The following MME variants were observed in gnomAD, a reference collection of about 807,000 sequenced individuals.
The protein encoded by MME is neprilysin.
In MME, 98 loss-of-function variants were observed where a neutral mutation model predicts 113.2. That is an observed-to-expected ratio of 0.87 (90% CI 0.74 to 1.02). The LOEUF is 1.02. MME is among the 50% of genes least tolerant of loss of function. The pLI, the probability that MME is intolerant of heterozygous loss-of-function variation, is 0.00. For synonymous variants in MME, 292 were observed against 300.6 expected (o/e 0.97, Z 0.30); for missense variants, 836 against 896.0 (o/e 0.93, Z 0.86).
At chr3:155,173,036 T>A (rs1712156379) in intron 22 of MME, among the ~76,000 whole-genome samples, 1 of 152,102 alleles carries the variant, frequency 6.6e-6, no homozygotes, top group Non-Finnish European at 1.5e-5. Context: ...CAATATGGAA[T>A]AACATTATTC....
chr3:155,035,241 T>C (rs1713091922), intron 1 of MME, among the ~76,000 whole-genome samples: 2 of 147,606 alleles, frequency 1.4e-5, no homozygotes, highest in South Asian at 4.2e-4. Flanking sequence ...ATATTAATAA[T>C]ACTATAATGT....
At chr3:155,113,970 A>G (rs1293140873) in intron 3 of MME, among the ~76,000 whole-genome samples, 1 of 152,176 alleles carries the variant, frequency 6.6e-6, no homozygotes, top group African/African-American at 2.4e-5. Context: ...GGGGGGCTTG[A>G]GGCTCAGCTG....
intron 10 of MME, 147 bp downstream of exon 10, chr3:155,140,439 CAG>C (rs1720989978): frequency 6.4e-6 from 3 of 466,080 alleles, no homozygotes; most frequent in Non-Finnish European, 1.1e-5. Flanking sequence ...TTTTTTGAGA[CAG>C]GGTCTCACTC....
chr3:155,064,181 C>T (rs913671274), intron 1 of MME, among the ~76,000 whole-genome samples: 3 of 151,816 alleles, frequency 2.0e-5, no homozygotes, highest in Non-Finnish European at 4.4e-5. Flanking sequence ...CCCAGGTAGT[C>T]GGGAGGCTGA....
At chr3:155,068,335 G>A (rs1714451637) in intron 1 of MME, among the ~76,000 whole-genome samples, 1 of 152,198 alleles carries the variant, frequency 6.6e-6, no homozygotes, top group Non-Finnish European at 1.5e-5. Flanking sequence ...GGTACTTTTA[G>A]AAGGTGACGG....
chr3:155,156,341 G>GT (rs2108342593), intron 16 of MME, among the ~76,000 whole-genome samples: 1 of 152,240 alleles, frequency 6.6e-6, no homozygotes, highest in African/African-American at 2.4e-5. Flanking sequence ...TCATTAAATA[G>GT]TAACCAGTGT....
chr3:155,117,963 T>C (rs572801885), intron 7 of MME, among the ~76,000 whole-genome samples: 1 of 152,220 alleles, frequency 6.6e-6, no homozygotes, highest in Non-Finnish European at 1.5e-5. Context: ...TCCACACTCA[T>C]GTTGCCATGC....
rs200225075 is a variant in MME at position 155,124,490 on chromosome 3, A to G, written c.720+5679A>G. Among the ~76,000 whole-genome samples, 209 of 151,990 alleles carry G rather than the reference A, an allele frequency of 1.4e-3. 2 individuals carry two copies. In the East Asian group the frequency reaches 0.034, roughly 24 times the overall value. On this transcript the variant is annotated intron_variant, in intron 8 of 22. Transcript: ENST00000360490. The stretch of plus-strand genomic sequence containing the variant: ...ACTGCGTTCCTTTGGAGGAGGAGAG[A>G]CGCTCTGCGTTTTAGAGTTTCCAGT...
intron 1 of MME, among the ~76,000 whole-genome samples, chr3:155,073,176 G>A (rs1309995815): frequency 6.6e-6 from 1 of 152,164 alleles, no homozygotes; most frequent in African/African-American, 2.4e-5. Context: ...GGATCTACTA[G>A]CCAGGGATCT....
At chr3:155,147,252 C>A (rs200334638) in intron 15 of MME, 28 bp downstream of exon 15, 3 of 1,348,730 alleles carry the variant, frequency 2.2e-6, no homozygotes, top group Non-Finnish European at 3.2e-6. Flanking sequence ...AGACTCTGGA[C>A]TACTGATACT....
intron 8 of MME, among the ~76,000 whole-genome samples, chr3:155,129,177 C>T (rs1719940697): frequency 6.6e-6 from 1 of 152,156 alleles, no homozygotes; most frequent in Non-Finnish European, 1.5e-5. Flanking sequence ...CCTTGCCCGT[C>T]GCTTTAGCCT....
At chr3:155,057,984 T>A (rs976580185) in intron 1 of MME, among the ~76,000 whole-genome samples, 1 of 152,120 alleles carries the variant, frequency 6.6e-6, no homozygotes, top group African/African-American at 2.4e-5. Flanking sequence ...AAGAGAAAGG[T>A]CTATCATACA....
At chr3:155,148,405 G>A in intron 15 of MME, 145 bp from the exon 16 acceptor site, 1 of 620,536 alleles carries the variant, frequency 1.6e-6, no homozygotes, top group South Asian at 2.0e-5. Flanking sequence ...AGGTTAACTG[G>A]AACTACATCC....
chr3:155,177,326 G>A (rs2108385703), intron 22 of MME, among the ~76,000 whole-genome samples: 1 of 152,314 alleles, frequency 6.6e-6, no homozygotes, highest in Non-Finnish European at 1.5e-5. Context: ...TGCCCAGGAT[G>A]ACAGGATGAC....
Position 155,181,909 on chromosome 3 carries a change from A to C in MME, c.*1450A>C, listed in dbSNP as rs1451031866. On this transcript the variant is annotated 3_prime_UTR_variant, in exon 23 of 23. Coordinates refer to ENST00000360490, the MANE Select transcript of MME (RefSeq NM_007289.4). ...GTTCCCTGTCTCTTGAAAAATGCCC[A>C]TTTGCCTTTAAAAAAAAAAGTTACA... 2 of 152,034 alleles carry C rather than the reference A, an allele frequency of 1.3e-5. No homozygotes were observed. The highest frequency in any genetic ancestry group is 4.8e-5 in the African/African-American group (2 of 41,374). 9.4% of individuals were successfully genotyped at this position (152,034 alleles called of 1,614,324 possible).
intron 1 of MME, among the ~76,000 whole-genome samples, chr3:155,033,740 G>T (rs973300676): frequency 4.6e-5 from 7 of 151,994 alleles, no homozygotes. Context: ...GCAATTGAGG[G>T]CATGTCAAAA....
intron 1 of MME, among the ~76,000 whole-genome samples, chr3:155,029,242 T>C (rs868461740): frequency 1.3e-5 from 2 of 152,140 alleles, no homozygotes; most frequent in Admixed American, 6.5e-5. Context: ...TAAAGCCAAT[T>C]TTAATAAAAC....
rs1182480311 is a variant in MME at position 155,033,691 on chromosome 3, A to G, written c.-11+9367A>G. On this transcript the variant is annotated intron_variant, in intron 1 of 22. Transcript: ENST00000492661. ...ACAGTCTATCAGTTCTTCAAGGCTG[A>G]ACTAGCAGATTAAACAAATAAGAAA... Among the ~76,000 whole-genome samples, 7 of 152,234 alleles carry G rather than the reference A, an allele frequency of 4.6e-5. No homozygotes were observed. The South Asian group carries it at 1.5e-3, about 32-fold the overall frequency.
chr3:155,142,412 G>A (rs1721182849), intron 12 of MME, 82 bp downstream of exon 12: 2 of 1,166,958 alleles, frequency 1.7e-6, no homozygotes, highest in Non-Finnish European at 1.3e-6. Context: ...TACACTGCTA[G>A]GACATGGTGA....
Sources: gnomAD v4.1 joint callset for allele counts (sites outside exome capture counted in the v4.1 genomes callset) on GRCh38, gnomAD v4.1.1 for gene constraint, MANE v1.5 for transcripts, NCBI Gene and HGNC (gene_info 2026-07-23, HGNC 2026-07-21) for gene names.